The following AMOTL1 variants were observed in gnomAD, a reference collection of about 807,000 sequenced individuals.
AMOTL1 encodes the protein angiomotin like 1.
Under a neutral mutation model 102.9 loss-of-function variants are expected in AMOTL1, and 45 were observed. The ratio of observed to expected loss-of-function variants is 0.44; its 90% CI spans 0.34 to 0.56. The LOEUF is 0.56. AMOTL1 is among the 20% of genes least tolerant of loss of function. The pLI is 0.01. For synonymous variants in AMOTL1, 481 were observed against 484.7 expected (o/e 0.99, Z 0.10); for missense variants, 1,114 against 1,225.6 (o/e 0.91, Z 1.36).
intron 6 of AMOTL1, among the ~76,000 whole-genome samples, chr11:94,836,955 G>T (rs563883415): frequency 6.6e-6 from 1 of 152,100 alleles, no homozygotes; most frequent in South Asian, 2.1e-4. Flanking sequence ...GTAACAACTG[G>T]CCAGGTGCTC....
chr11:94,821,786 C>A lies in AMOTL1; in HGVS notation c.1378C>A (p.Gln460Lys). 1 of 1,614,028 alleles carries A rather than the reference C, an allele frequency of 6.2e-7. No homozygotes were observed. The change falls in exon 4 of 13, where the codon CAG (glutamine) becomes AAG (lysine). Residue 460 changes from glutamine to lysine, a missense_variant. Coordinates refer to ENST00000433060, the MANE Select transcript of AMOTL1 (RefSeq NM_130847.3). ...EENRVLHQEL[Q>K]GYYDNADKLH... ...GAACCGGGTGCTTCACCAGGAACTT[C>A]AGGGTTACTACGACAATGCCGACAA...
intron 3 of AMOTL1, among the ~76,000 whole-genome samples, chr11:94,810,587 C>A (rs1219602061): frequency 6.6e-6 from 1 of 151,044 alleles, no homozygotes; most frequent in Non-Finnish European, 1.5e-5. Context: ...TATCTGTTTA[C>A]ACTCTTGGGG....
chr11:94,747,361 G>A (rs1291185636), intron 3 of AMOTL1, among the ~76,000 whole-genome samples: 1 of 152,094 alleles, frequency 6.6e-6, no homozygotes. Flanking sequence ...ATGAGTGCCA[G>A]GAGAGGAGTG....
chr11:94,800,991 A>G (rs1951467446), intron 3 of AMOTL1, among the ~76,000 whole-genome samples: 1 of 152,108 alleles, frequency 6.6e-6, no homozygotes, highest in Non-Finnish European at 1.5e-5. Flanking sequence ...TGGTTCAGAG[A>G]TGGGGTCCCT....
intron 8 of AMOTL1, among the ~76,000 whole-genome samples, chr11:94,856,526 A>T (rs1952669312): frequency 6.6e-6 from 1 of 152,160 alleles, no homozygotes; most frequent in Non-Finnish European, 1.5e-5. Context: ...TCATCTGAGG[A>T]ACTCAGCCTG....
chr11:94,745,471 ATCAC>A (rs1377797015), intron 3 of AMOTL1, among the ~76,000 whole-genome samples: 9 of 152,192 alleles, frequency 5.9e-5, no homozygotes, highest in African/African-American at 2.2e-4. Context: ...TATCACCTCT[ATCAC>A]TCAGGAAATT....
intron 7 of AMOTL1, among the ~76,000 whole-genome samples, chr11:94,850,771 C>T (rs1952520209): frequency 6.6e-6 from 1 of 152,192 alleles, no homozygotes; most frequent in Admixed American, 6.5e-5. Flanking sequence ...GTGGTGGCGG[C>T]AGGTGCCTCT....
chr11:94,771,290 A>G (rs1950948263), intron 1 of AMOTL1, among the ~76,000 whole-genome samples: 1 of 142,718 alleles, frequency 7.0e-6, no homozygotes, highest in Non-Finnish European at 1.5e-5. Flanking sequence ...GGCTATCTGC[A>G]TTTTAAATGC....
chr11:94,786,722 T>C (rs1370150331), intron 1 of AMOTL1, among the ~76,000 whole-genome samples: 1 of 152,208 alleles, frequency 6.6e-6, no homozygotes, highest in Admixed American at 6.5e-5. Flanking sequence ...TTTCTCTTTT[T>C]CCCCGCAACA....
At position 94,875,153 on chromosome 11, in the gene AMOTL1, G is replaced by A. The variant is rs750028623; in HGVS notation, c.*4358G>A. The A allele has an allele frequency of 6.6e-6, 1 of 152,196 alleles. No individual in the cohort carries two copies. Among genetic ancestry groups the A allele is most frequent in the Non-Finnish European group, 1.5e-5 (1 of 68,030 alleles). 9.4% of individuals were successfully genotyped at this position (152,196 alleles called of 1,614,324 possible). On this transcript the variant is annotated 3_prime_UTR_variant, in exon 13 of 13. Coordinates refer to ENST00000433060, the MANE Select transcript of AMOTL1 (RefSeq NM_130847.3). ...TTTAAGTAATTAAAGTGTTTAAAAT[G>A]TCTTCATTAGATGTGACGATTGTTT...
intron 3 of AMOTL1, among the ~76,000 whole-genome samples, chr11:94,803,033 G>A (rs142625400): frequency 6.4e-4 from 97 of 152,346 alleles, no homozygotes; most frequent in African/African-American, 2.3e-3. Context: ...ACTAGAAAGA[G>A]ACGCCTCTGA....
In AMOTL1 at chr11:94,830,180, A is replaced by G. The variant is rs981361845; in HGVS notation, c.1544A>G (p.Asn515Ser). 3.1e-6 allele frequency: 5 copies of G among 1,606,154 alleles called. No individual in the cohort carries two copies. In the Admixed American group the frequency reaches 6.8e-5, roughly 22 times the overall value. ...EGEIRRLHDF[N>S]RDLRDRLETA... The stretch of plus-strand genomic sequence containing the variant: ...GAGATTAGAAGACTTCATGATTTCA[A>G]CAGAGACCTCCGAGGCAGGTTTATT... The change falls in exon 5 of 13, where the codon AAC (asparagine) becomes AGC (serine). Residue 515 changes from asparagine (N) to serine (S), a missense_variant. Transcript: ENST00000433060.
Position 94,800,239 on chromosome 11 carries a change from C to A in AMOTL1, c.1049C>A (p.Pro350His), listed in dbSNP as rs1951451522. 2 of 1,613,894 alleles carry A rather than the reference C, an allele frequency of 1.2e-6. No individual in the cohort carries two copies. The highest frequency in any genetic ancestry group is 2.7e-5 in the African/African-American group (2 of 74,948). ...CTCCACGAGATGGTCAAGCCCTACC[C>A]TGCTCCTCAGCCTGTGAGAACAGAT... ...GMLHEMVKPY[P>H]APQPVRTDVA... Residue 350 changes from proline to histidine, a missense_variant, in exon 3 of 13, where the codon CCT becomes CAT. Coordinates refer to ENST00000433060, the MANE Select transcript of AMOTL1 (RefSeq NM_130847.3).
At chr11:94,742,529 C>T (rs1016417694) in intron 3 of AMOTL1, among the ~76,000 whole-genome samples, 1 of 152,026 alleles carries the variant, frequency 6.6e-6, no homozygotes, top group Non-Finnish European at 1.5e-5. Flanking sequence ...CCATATCTCC[C>T]TCTGGGACTT....
At chr11:94,770,160 G>A (rs548320809) in intron 1 of AMOTL1, among the ~76,000 whole-genome samples, 1 of 152,286 alleles carries the variant, frequency 6.6e-6, no homozygotes, top group South Asian at 2.1e-4. Flanking sequence ...GTGGAAGTCA[G>A]ACCCAGGTTA....
rs749922604 is a variant in AMOTL1 at position 94,800,055 on chromosome 11, A to G, written c.865A>G (p.Lys289Glu). Reference sequence around the variant, plus strand: ...CGGCTCGGGGAATGGAAAGGGCTTCAAAGTAGGAGGGGGGCCCTCCCCTGC... The same window carrying G: ...CGGCTCGGGGAATGGAAAGGGCTTCGAAGTAGGAGGGGGGCCCTCCCCTGC... ...LPGSGNGKGF[K>E]VGGGPSPAQP... Residue 289 changes from lysine to glutamate, a missense_variant, in exon 3 of 13, where the codon AAA becomes GAA. Transcript: ENST00000433060. 1.9e-6 allele frequency: 3 copies of G among 1,614,032 alleles called. No homozygotes were observed. Among genetic ancestry groups the G allele is most frequent in the Admixed American group, 1.7e-5 (1 of 60,032 alleles).
At chr11:94,791,674 G>T (rs1951288398) in intron 1 of AMOTL1, among the ~76,000 whole-genome samples, 1 of 152,206 alleles carries the variant, frequency 6.6e-6, no homozygotes, top group Non-Finnish European at 1.5e-5. Flanking sequence ...GGCTCTGCAG[G>T]GGCTTTCTGG....
intron 8 of AMOTL1, among the ~76,000 whole-genome samples, chr11:94,858,899 C>T (rs1389571294): frequency 1.3e-5 from 2 of 151,908 alleles, no homozygotes; most frequent in South Asian, 2.1e-4. Context: ...ATGAAAAGGC[C>T]GAAAAATGAG....
chr11:94,810,069 G>C (rs1293771015), intron 3 of AMOTL1, among the ~76,000 whole-genome samples: 1 of 152,094 alleles, frequency 6.6e-6, no homozygotes, highest in Admixed American at 6.5e-5. Flanking sequence ...ACTCCAGGCA[G>C]ATGTCAGCTA....
Sources: gnomAD v4.1 joint callset for allele counts (sites outside exome capture counted in the v4.1 genomes callset) on GRCh38, gnomAD v4.1.1 for gene constraint, MANE v1.5 for transcripts, NCBI Gene and HGNC (gene_info 2026-07-23, HGNC 2026-07-21) for gene names.